Variants in MCCC2 observed in about 807,000 individuals in gnomAD.
MCCC2 encodes the protein methylcrotonyl-CoA carboxylase subunit 2, also known as methylcrotonoyl-CoA carboxylase beta chain, mitochondrial.
MCCC2 carries 52 observed loss-of-function variants against 77.2 expected under a neutral mutation model. That is an observed-to-expected ratio of 0.67 (90% CI 0.54 to 0.85). MCCC2 has a LOEUF of 0.85. Ranked by LOEUF, MCCC2 falls within the 40% of genes least tolerant of loss-of-function variation. The pLI is 0.00. For synonymous variants in MCCC2, 253 were observed against 248.4 expected, an observed-to-expected ratio of 1.02 and a Z score of -0.18; for missense variants, 682 against 703.2, an observed-to-expected ratio of 0.97 and a Z score of 0.34.
chr5:71,588,608 C>T (rs1744852133), intron 1 of MCCC2, among the ~76,000 whole-genome samples: 1 of 152,144 alleles, frequency 6.6e-6, no homozygotes, highest in Non-Finnish European at 1.5e-5. Flanking sequence ...AAGCAGGTAA[C>T]TGTGGTACAG....
chr5:71,632,145 G>T lies in MCCC2; in HGVS notation c.763G>T (p.Val255Leu), dbSNP rs1412463477. Residue 255 changes from valine (V) to leucine (L), a missense_variant, in exon 8 of 17, where the codon GTA (valine) becomes TTA (leucine). Coordinates refer to ENST00000340941, the MANE Select transcript of MCCC2 (RefSeq NM_022132.5). ...PLVKAATGEE[V>L]SAEDLGGADL... is the part of the protein sequence containing the mutation. ...GGTTAAAGCGGCAACTGGGGAAGAAGTATCTGCTGAGGATCTTGGAGGTGC... is the reference window on the plus strand; with the variant it reads ...GGTTAAAGCGGCAACTGGGGAAGAATTATCTGCTGAGGATCTTGGAGGTGC... The T allele has an allele frequency of 1.2e-6, 2 of 1,614,108 alleles. No homozygotes were observed. Among genetic ancestry groups the T allele is most frequent in the African/African-American group, 2.7e-5 (2 of 74,952 alleles).
At chr5:71,652,990 C>T (rs1043883309) in intron 16 of MCCC2, among the ~76,000 whole-genome samples, 11 of 152,238 alleles carry the variant, frequency 7.2e-5, no homozygotes, top group Admixed American at 1.3e-4. Context: ...GTCTGATTCT[C>T]GCTTCCCTTG....
At chr5:71,619,254 CTT>C (rs1183912486) in intron 6 of MCCC2, among the ~76,000 whole-genome samples, 1 of 151,774 alleles carries the variant, frequency 6.6e-6, no homozygotes, top group Non-Finnish European at 1.5e-5. Flanking sequence ...CATCCTTTTT[CTT>C]TTTTTCTTTT....
At chr5:71,652,601 A>G in intron 15 of MCCC2, 68 bp from the exon 16 acceptor site, 3 of 1,183,340 alleles carry the variant, frequency 2.5e-6, no homozygotes, top group Non-Finnish European at 3.8e-6. Context: ...TTTCTTTTGA[A>G]TTGAGATGAT....
At chr5:71,628,714 G>A (rs995699496) in intron 7 of MCCC2, among the ~76,000 whole-genome samples, 1 of 152,108 alleles carries the variant, frequency 6.6e-6, no homozygotes, top group African/African-American at 2.4e-5. Flanking sequence ...ACAATTGTTT[G>A]ACTCAAGGTC....
chr5:71,634,846 G>A, intron 8 of MCCC2, 97 bp from the exon 9 acceptor site: 1 of 1,057,720 alleles, frequency 9.5e-7, no homozygotes, highest in Admixed American at 1.8e-5. Context: ...AAGTAAAAGT[G>A]CTGTCATCTT....
intron 16 of MCCC2, among the ~76,000 whole-genome samples, chr5:71,653,656 C>G (rs1410612610): frequency 5.3e-5 from 8 of 151,946 alleles, no homozygotes; most frequent in African/African-American, 1.9e-4. Context: ...TCGAAACTAG[C>G]GGGGCAACAT....
At chr5:71,598,565 G>A (rs572181760) in intron 3 of MCCC2, among the ~76,000 whole-genome samples, 114 of 148,360 alleles carry the variant, frequency 7.7e-4, no homozygotes, top group Non-Finnish European at 1.4e-3. Context: ...TCAGCCTCCC[G>A]AGTAGCTGGG....
chr5:71,647,167 G>GC (rs756886099), intron 13 of MCCC2, among the ~76,000 whole-genome samples: 1 of 152,156 alleles, frequency 6.6e-6, no homozygotes, highest in Non-Finnish European at 1.5e-5. Context: ...GCAGAAAACA[G>GC]CCTCCCCCAT....
Position 71,656,729 on chromosome 5 carries a change from T to G in MCCC2, c.1575-14T>G. ...GGTGGTAAATTCATAACTCTTTTTT[T>G]GTTCTTTTGTCAGGGTATGGGATGA... On this transcript the variant is annotated splice_polypyrimidine_tract_variant and intron_variant, in intron 16 of 16. Coordinates refer to ENST00000340941, the MANE Select transcript of MCCC2 (RefSeq NM_022132.5). 6.3e-7 allele frequency: 1 copy of G among 1,599,100 alleles called. No individual in the cohort carries two copies.
chr5:71,589,046 AG>A (rs1247830196), intron 1 of MCCC2, among the ~76,000 whole-genome samples: 1 of 152,330 alleles, frequency 6.6e-6, no homozygotes, highest in East Asian at 1.9e-4. Flanking sequence ...GACTAGACCT[AG>A]GTGACAGTGG....
At chr5:71,624,873 T>C (rs1231552935) in intron 6 of MCCC2, among the ~76,000 whole-genome samples, 1 of 151,902 alleles carries the variant, frequency 6.6e-6, no homozygotes, top group African/African-American at 2.4e-5. Flanking sequence ...TTTGTTTTTT[T>C]AGTAAATACT....
chr5:71,621,438 C>T (rs1226012719), intron 6 of MCCC2, among the ~76,000 whole-genome samples: 2 of 152,124 alleles, frequency 1.3e-5, no homozygotes, highest in Non-Finnish European at 2.9e-5. Flanking sequence ...AACTAAATGA[C>T]AAGGATTATT....
intron 6 of MCCC2, among the ~76,000 whole-genome samples, chr5:71,610,066 A>G (rs975486949): frequency 1.3e-5 from 2 of 152,246 alleles, no homozygotes; most frequent in African/African-American, 4.8e-5. Flanking sequence ...AGAGGCAGGC[A>G]GGCCTCCTTG....
At chr5:71,636,636 G>A (rs866134412) in intron 10 of MCCC2, 18 of 152,120 alleles carry the variant, frequency 1.2e-4, no homozygotes, top group African/African-American at 3.9e-4. Context: ...GGGAGCAGAG[G>A]TTGCAGTGAA....
intron 3 of MCCC2, 118 bp downstream of exon 3, chr5:71,596,482 T>C (rs1307767860): frequency 5.3e-6 from 5 of 946,822 alleles, no homozygotes; most frequent in Non-Finnish European, 8.5e-6. Flanking sequence ...CAGGAACATG[T>C]GTTTATTGAG....
intron 12 of MCCC2, among the ~76,000 whole-genome samples, chr5:71,644,491 C>T (rs750632856): frequency 2.6e-5 from 4 of 151,850 alleles, no homozygotes; most frequent in Non-Finnish European, 4.4e-5. Flanking sequence ...TTCAATCCTC[C>T]AAGACATCAG....
intron 8 of MCCC2, among the ~76,000 whole-genome samples, chr5:71,634,244 G>A (rs1171723321): frequency 6.6e-6 from 1 of 152,136 alleles, no homozygotes; most frequent in Non-Finnish European, 1.5e-5. Flanking sequence ...ATCTAATTGG[G>A]ACAGGACTAA....
At chr5:71,617,083 C>G (rs1437634184) in intron 6 of MCCC2, among the ~76,000 whole-genome samples, 1 of 152,206 alleles carries the variant, frequency 6.6e-6, no homozygotes, top group Non-Finnish European at 1.5e-5. Context: ...CTTAAGCCCC[C>G]GTGTGATCGG....
Sources: allele counts gnomAD v4.1 joint callset (sites outside exome capture counted in the v4.1 genomes callset), GRCh38; gene constraint gnomAD v4.1.1; transcripts MANE v1.5; gene names NCBI Gene and HGNC (gene_info 2026-07-23, HGNC 2026-07-21).